The following PRKCA variants were observed in gnomAD, a reference collection of about 807,000 sequenced individuals.
PRKCA encodes the protein protein kinase C alpha type.
In PRKCA, 27 loss-of-function variants were observed where a neutral mutation model predicts 87.0. The observed-to-expected ratio is 0.31, with a 90% confidence interval of 0.23 to 0.43. PRKCA has a LOEUF of 0.43. PRKCA is among the 20% of genes least tolerant of loss of function. The pLI is 1.00. For missense variants in PRKCA, 518 were observed against 852.3 expected (o/e 0.61, Z 4.88); for synonymous variants, 329 against 311.1 (o/e 1.06, Z -0.61).
At chr17:66,596,082 G>T (rs551866584) in intron 3 of PRKCA, among the ~76,000 whole-genome samples, 2 of 152,108 alleles carry the variant, frequency 1.3e-5, no homozygotes, top group Non-Finnish European at 2.9e-5. Context: ...GTGTGGAGCC[G>T]GCTAGCACGT....
chr17:66,608,801 G>A (rs1035631977), intron 3 of PRKCA, among the ~76,000 whole-genome samples: 1 of 152,192 alleles, frequency 6.6e-6, no homozygotes, highest in Non-Finnish European at 1.5e-5. Flanking sequence ...GTTGATTGTT[G>A]TGTTAGCTGG....
At chr17:66,468,792 C>G (rs951397099) in intron 2 of PRKCA, among the ~76,000 whole-genome samples, 8 of 152,174 alleles carry the variant, frequency 5.3e-5, no homozygotes, top group African/African-American at 1.9e-4. Flanking sequence ...GGCTGGCATG[C>G]AGGAGAAACC....
intron 2 of PRKCA, among the ~76,000 whole-genome samples, chr17:66,446,636 T>C (rs1192172268): frequency 6.6e-6 from 1 of 152,154 alleles, no homozygotes; most frequent in Non-Finnish European, 1.5e-5. Flanking sequence ...TGGTGACTCA[T>C]TGCTGCTTGT....
intron 2 of PRKCA, among the ~76,000 whole-genome samples, chr17:66,342,238 T>G (rs1037549964): frequency 5.8e-4 from 88 of 151,928 alleles, no homozygotes; most frequent in Middle Eastern, 3.4e-3. Context: ...CCTAGCCAAC[T>G]TGGTGAAACC....
intron 2 of PRKCA, among the ~76,000 whole-genome samples, chr17:66,321,895 T>C (rs1343478651): frequency 6.6e-6 from 1 of 152,164 alleles, no homozygotes; most frequent in Non-Finnish European, 1.5e-5. Context: ...TTGTATTTGT[T>C]CCATGAACTC....
At chr17:66,587,515 T>C (rs1270803971) in intron 3 of PRKCA, among the ~76,000 whole-genome samples, 1 of 152,072 alleles carries the variant, frequency 6.6e-6, no homozygotes, top group Non-Finnish European at 1.5e-5. Context: ...AATTGGTTCG[T>C]TTTCCTAATG....
chr17:66,362,060 A>T (rs1908419353), intron 2 of PRKCA, among the ~76,000 whole-genome samples: 1 of 151,288 alleles, frequency 6.6e-6, no homozygotes, highest in Non-Finnish European at 1.5e-5. Flanking sequence ...TTTGATACGG[A>T]GTTTCGCTCT....
intron 3 of PRKCA, among the ~76,000 whole-genome samples, chr17:66,605,993 AT>A (rs1369505581): frequency 6.6e-6 from 1 of 152,202 alleles, no homozygotes; most frequent in Non-Finnish European, 1.5e-5. Context: ...GAGATGACAA[AT>A]TGTGATAATG....
intron 2 of PRKCA, among the ~76,000 whole-genome samples, chr17:66,486,247 G>A (rs374973303): frequency 6.6e-6 from 1 of 152,108 alleles, no homozygotes; most frequent in Non-Finnish European, 1.5e-5. Context: ...AATGCTACAG[G>A]TACTCAAGAT....
chr17:66,433,978 G>A (rs1015718967), intron 2 of PRKCA, among the ~76,000 whole-genome samples: 2 of 152,136 alleles, frequency 1.3e-5, no homozygotes, highest in Non-Finnish European at 2.9e-5. Context: ...GGCTTCCTCA[G>A]TTTGTGGATG....
intron 16 of PRKCA, among the ~76,000 whole-genome samples, chr17:66,802,575 T>C (rs1975925559): frequency 6.7e-6 from 1 of 150,086 alleles, no homozygotes; most frequent in Non-Finnish European, 1.5e-5. Context: ...GAAGATAAAG[T>C]GTGAAAAAAG....
chr17:66,701,160 A>G (rs1481762739), intron 8 of PRKCA, among the ~76,000 whole-genome samples: 2 of 152,138 alleles, frequency 1.3e-5, no homozygotes, highest in South Asian at 2.1e-4. Flanking sequence ...GTGGTCAACT[A>G]TCTTTGACAA....
At chr17:66,657,846 T>C (rs576239512) in intron 5 of PRKCA, among the ~76,000 whole-genome samples, 3 of 152,190 alleles carry the variant, frequency 2.0e-5, no homozygotes, top group African/African-American at 7.2e-5. Flanking sequence ...AGGATGCTAG[T>C]ATATATTTGA....
intron 2 of PRKCA, among the ~76,000 whole-genome samples, chr17:66,458,969 G>A (rs1338119278): frequency 6.6e-6 from 1 of 152,146 alleles, no homozygotes; most frequent in African/African-American, 2.4e-5. Flanking sequence ...AGATGGGAAC[G>A]TAGAGGCTGA....
At position 66,350,522 on chromosome 17, in the gene PRKCA, A is replaced by AT. The variant is rs577417797; in HGVS notation, c.205+44403dup. Among the ~76,000 whole-genome samples the AT allele has an allele frequency of 3.9e-3, 587 of 151,944 alleles. 3 individuals are homozygous for AT. Among genetic ancestry groups the AT allele is most frequent in the Non-Finnish European group, 6.3e-3 (428 of 67,926 alleles). Reference sequence around the variant, plus strand: ...ATTTGTGTTTGGGGCCAGTTTTATTATTTTTTTTAATCTTTTTTGAGACAG... The same window carrying AT: ...ATTTGTGTTTGGGGCCAGTTTTATTATTTTTTTTTAATCTTTTTTGAGACAG... On this transcript the variant is annotated intron_variant, in intron 2 of 16. Transcript: ENST00000413366.
intron 2 of PRKCA, among the ~76,000 whole-genome samples, chr17:66,394,046 G>A (rs957929947): frequency 5.3e-5 from 8 of 152,090 alleles, no homozygotes; most frequent in Middle Eastern, 3.2e-3. Context: ...CCCCATTCCA[G>A]TCTGGGTGAC....
At chr17:66,312,460 C>G (rs1905129079) in intron 2 of PRKCA, among the ~76,000 whole-genome samples, 1 of 152,140 alleles carries the variant, frequency 6.6e-6, no homozygotes, top group South Asian at 2.1e-4. Flanking sequence ...TCACAGCTGC[C>G]CTATCAGGAT....
Position 66,634,473 on chromosome 17 carries a change from G to A in PRKCA, c.289-6882G>A, listed in dbSNP as rs568647546. ...TATGTATTTGACTAAAAAGGAAAATGTTATTAACTTGGTAATAGTGAAGAC... is the reference window on the plus strand; with the variant it reads ...TATGTATTTGACTAAAAAGGAAAATATTATTAACTTGGTAATAGTGAAGAC... On this transcript the variant is annotated intron_variant, in intron 3 of 16. Transcript: ENST00000413366. 7.2e-5 allele frequency among the ~76,000 whole-genome samples: 11 copies of A among 152,348 alleles called. No homozygotes were observed. The South Asian group carries it at 2.3e-3, about 32-fold the overall frequency.
chr17:66,470,292 C>T (rs1192273516), intron 2 of PRKCA, among the ~76,000 whole-genome samples: 3 of 144,110 alleles, frequency 2.1e-5, no homozygotes, highest in Non-Finnish European at 1.5e-5. Context: ...TGCCACCCCC[C>T]CTCCCCAACC....
Sources: gnomAD v4.1 joint callset for allele counts (sites outside exome capture counted in the v4.1 genomes callset) on GRCh38, gnomAD v4.1.1 for gene constraint, MANE v1.5 for transcripts, NCBI Gene and HGNC (gene_info 2026-07-23, HGNC 2026-07-21) for gene names.